The following LIMS1 variants were observed in gnomAD, a reference collection of about 807,000 sequenced individuals.
The protein encoded by LIMS1 is LIM and senescent cell antigen-like-containing domain protein 1.
Under a neutral mutation model 44.1 loss-of-function variants are expected in LIMS1, and 18 were observed. The observed-to-expected ratio is 0.41, with a 90% CI of 0.28 to 0.61. The LOEUF is 0.61. Ranked by LOEUF, LIMS1 falls within the 20% of genes least tolerant of loss-of-function variation. LIMS1 has a pLI of 0.32. For missense variants in LIMS1, 201 were observed against 422.0 expected (o/e 0.48, Z 4.59); for synonymous variants, 93 against 149.1 (o/e 0.62, Z 2.74).
chr2:108,629,931 GC>G (rs990431589), intron 1 of LIMS1, among the ~76,000 whole-genome samples: 20 of 152,214 alleles, frequency 1.3e-4, no homozygotes, highest in Admixed American at 5.2e-4. Flanking sequence ...TGTCGCTCAT[GC>G]CTGTAATCCC....
At chr2:108,538,522 G>A (rs1390310493) in intron 1 of LIMS1, among the ~76,000 whole-genome samples, 3 of 152,126 alleles carry the variant, frequency 2.0e-5, no homozygotes, top group African/African-American at 4.8e-5. Context: ...TGGGAGGCAC[G>A]GGACTCAGCA....
chr2:108,670,768 C>A lies in LIMS1; in HGVS notation c.193-13C>A. The stretch of plus-strand genomic sequence containing the variant: ...GTTTCGTGTTTGTAAGTTGGTGGTA[C>A]CCTCTCTTTCAGTTTGAAGGAAGAA... On this transcript the variant is annotated splice_polypyrimidine_tract_variant and intron_variant, in intron 2 of 9. Coordinates refer to ENST00000544547, the Ensembl canonical transcript of LIMS1. The A allele has an allele frequency of 1.2e-6, 2 of 1,611,892 alleles. No individual in the cohort carries two copies. Among genetic ancestry groups the A allele is most frequent in the South Asian group, 1.1e-5 (1 of 90,976 alleles).
intron 1 of LIMS1, among the ~76,000 whole-genome samples, chr2:108,615,464 G>C (rs148962667): frequency 6.6e-6 from 1 of 152,068 alleles, no homozygotes; most frequent in African/African-American, 2.4e-5. Flanking sequence ...TGGGTCGGGT[G>C]GGGGGTATGG....
At chr2:108,663,847 C>T (rs1332471731) in intron 2 of LIMS1, among the ~76,000 whole-genome samples, 4 of 151,980 alleles carry the variant, frequency 2.6e-5, no homozygotes, top group Admixed American at 1.3e-4. Flanking sequence ...CTCCACCTTG[C>T]GGCCTCGAGT....
chr2:108,665,020 A>T (rs1573592106), intron 2 of LIMS1, among the ~76,000 whole-genome samples: 1 of 152,340 alleles, frequency 6.6e-6, no homozygotes, highest in East Asian at 1.9e-4. Flanking sequence ...AAAAAGGATT[A>T]GTTAGGGAGT....
chr2:108,670,356 C>T (rs956152100), intron 2 of LIMS1, among the ~76,000 whole-genome samples: 4 of 149,496 alleles, frequency 2.7e-5, no homozygotes, highest in African/African-American at 9.8e-5. Flanking sequence ...AAAATATTTG[C>T]CCTTTGTAAA....
intron 1 of LIMS1, among the ~76,000 whole-genome samples, chr2:108,630,938 G>T (rs1688885359): frequency 6.6e-6 from 1 of 152,242 alleles, no homozygotes; most frequent in Non-Finnish European, 1.5e-5. Flanking sequence ...AAATGGTAAT[G>T]TAGGGGTAAA....
At chr2:108,585,164 A>G (rs2104665539) in intron 1 of LIMS1, among the ~76,000 whole-genome samples, 1 of 151,568 alleles carries the variant, frequency 6.6e-6, no homozygotes, top group East Asian at 1.9e-4. Context: ...AAAAAAAAAA[A>G]AAAAAAAGGC....
At chr2:108,683,800 C>G (rs1471073987) in intron 9 of LIMS1, 85 bp from the exon 10 acceptor site, 1 of 647,752 alleles carries the variant, frequency 1.5e-6, no homozygotes. Flanking sequence ...TCGTTTAGTT[C>G]AGTACAATTA....
intron 2 of LIMS1, among the ~76,000 whole-genome samples, chr2:108,663,946 G>T (rs1257387691): frequency 2.6e-5 from 4 of 151,918 alleles, no homozygotes; most frequent in Non-Finnish European, 5.9e-5. Flanking sequence ...TAGAGACGGG[G>T]TTTCTCCATG....
intron 1 of LIMS1, among the ~76,000 whole-genome samples, chr2:108,591,693 C>T (rs1471252805): frequency 6.6e-6 from 1 of 151,920 alleles, no homozygotes; most frequent in East Asian, 1.9e-4. Flanking sequence ...CTCCTGGCCT[C>T]AAGAGATCTT....
At chr2:108,593,042 AC>A (rs1363539186) in intron 1 of LIMS1, among the ~76,000 whole-genome samples, 2 of 152,130 alleles carry the variant, frequency 1.3e-5, no homozygotes, top group African/African-American at 4.8e-5. Context: ...TTGGATATAT[AC>A]CCAGAACTGG....
chr2:108,621,269 C>T (rs1688219200), intron 1 of LIMS1: 12 of 1,527,582 alleles, frequency 7.9e-6, no homozygotes, highest in African/African-American at 2.7e-5. Flanking sequence ...TGAGGTCCCT[C>T]GGCAAGGGAC....
At chr2:108,629,742 GTGGAT>G (rs1205076917) in intron 1 of LIMS1, among the ~76,000 whole-genome samples, 5 of 152,202 alleles carry the variant, frequency 3.3e-5, no homozygotes, top group Admixed American at 6.5e-5. Flanking sequence ...GGATTTCCCT[GTGGAT>G]TGTGGTATGT....
chr2:108,594,504 G>C (rs1370592), intron 1 of LIMS1, among the ~76,000 whole-genome samples: 94,863 of 151,944 alleles, frequency 0.62, 30,226 homozygotes, highest in East Asian at 0.97. Flanking sequence ...AAGAAAGTTG[G>C]CTGGCCGACA....
At chr2:108,580,159 C>G (rs1685830990) in intron 1 of LIMS1, among the ~76,000 whole-genome samples, 1 of 152,172 alleles carries the variant, frequency 6.6e-6, no homozygotes, top group Non-Finnish European at 1.5e-5. Flanking sequence ...TTACAGGTCT[C>G]TGAGAAGGGC....
At chr2:108,626,843 T>C (rs369688535) in intron 1 of LIMS1, among the ~76,000 whole-genome samples, 1 of 152,332 alleles carries the variant, frequency 6.6e-6, no homozygotes, top group African/African-American at 2.4e-5. Flanking sequence ...TTTGGAAAGC[T>C]TAGTTTCCAA....
intron 1 of LIMS1, chr2:108,607,178 G>C (rs957748902): frequency 6.5e-7 from 1 of 1,549,156 alleles, no homozygotes; most frequent in African/African-American, 1.4e-5. Context: ...CAGTGAGAGG[G>C]TGCCATCTAT....
At chr2:108,574,713 AT>A (rs1411438481) in intron 1 of LIMS1, among the ~76,000 whole-genome samples, 1 of 152,220 alleles carries the variant, frequency 6.6e-6, no homozygotes, top group Non-Finnish European at 1.5e-5. Flanking sequence ...ATGTTAAATA[AT>A]TTGTCCAAGG....
Sources: allele counts gnomAD v4.1 joint callset (sites outside exome capture counted in the v4.1 genomes callset), GRCh38; gene constraint gnomAD v4.1.1; transcripts MANE v1.5; gene names NCBI Gene and HGNC (gene_info 2026-07-23, HGNC 2026-07-21).